MACROD2: variants seen among roughly 807,000 people sequenced by gnomAD.
The protein encoded by MACROD2 is ADP-ribose glycohydrolase MACROD2.
Under a neutral mutation model 70.4 loss-of-function variants are expected in MACROD2, and 36 were observed. The observed-to-expected ratio is 0.51, with a 90% CI of 0.39 to 0.68. The LOEUF (loss-of-function observed/expected upper bound fraction) is 0.68, where lower values mean the gene tolerates loss of function less well. MACROD2 is among the 30% of genes least tolerant of loss of function. The probability of loss-of-function intolerance (pLI) is 0.00; values close to 1 mark genes in which losing one functional copy is unlikely to be tolerated. For synonymous variants in MACROD2, 172 were observed against 178.8 expected, an observed-to-expected ratio of 0.96 and a Z score of 0.30; for missense variants, 496 against 538.4, an observed-to-expected ratio of 0.92 and a Z score of 0.78.
chr20:14,832,619 A>C (rs2072984055), intron 5 of MACROD2, among the ~76,000 whole-genome samples: 1 of 152,152 alleles, frequency 6.6e-6, no homozygotes, highest in African/African-American at 2.4e-5. Flanking sequence ...GTCAGGATGC[A>C]TCCCCAAGAG....
At position 14,057,775 on chromosome 20, in the gene MACROD2, C is replaced by T. The variant is rs140704552; in HGVS notation, c.164-27846C>T. ...GAAACCTGGAAACAAAAATGGCCAT[C>T]AGCAGTAAAATGGGTAAACAGATTA... On this transcript the variant is annotated intron_variant, in intron 2 of 17. Coordinates refer to ENST00000684519, the MANE Select transcript of MACROD2 (RefSeq NM_001351661.2). 4.4e-3 allele frequency among the ~76,000 whole-genome samples: 667 copies of T among 152,188 alleles called. 4 individuals carry two copies. The highest frequency in any genetic ancestry group is 0.015 in the African/African-American group (635 of 41,516).
chr20:14,625,750 T>C (rs1984109116), intron 4 of MACROD2, among the ~76,000 whole-genome samples: 1 of 152,200 alleles, frequency 6.6e-6, no homozygotes. Context: ...CCCCCAGGTA[T>C]GACTTTGCCT....
At chr20:15,965,865 G>T (rs2066133571) in intron 12 of MACROD2, among the ~76,000 whole-genome samples, 1 of 152,098 alleles carries the variant, frequency 6.6e-6, no homozygotes, top group Admixed American at 6.6e-5. Flanking sequence ...TAGACTTATT[G>T]TCAGCCTCAG....
At chr20:14,249,194 C>T (rs1490712731) in intron 3 of MACROD2, among the ~76,000 whole-genome samples, 2 of 129,084 alleles carry the variant, frequency 1.5e-5, no homozygotes, top group African/African-American at 3.1e-5. Flanking sequence ...CCTGTGTCAT[C>T]TAAAATACTA....
intron 5 of MACROD2, among the ~76,000 whole-genome samples, chr20:15,017,838 G>A (rs1193695123): frequency 6.6e-6 from 1 of 152,206 alleles, no homozygotes; most frequent in Non-Finnish European, 1.5e-5. Flanking sequence ...AGCTGGAGTA[G>A]CTGGGACACA....
At chr20:15,280,395 ACATCT>A (rs1343992464) in intron 6 of MACROD2, among the ~76,000 whole-genome samples, 1 of 152,180 alleles carries the variant, frequency 6.6e-6, no homozygotes, top group African/African-American at 2.4e-5. Context: ...CATTCTGCAG[ACATCT>A]CAGTTAAGCA....
At chr20:16,022,319 G>T (rs983959355) in intron 15 of MACROD2, among the ~76,000 whole-genome samples, 1 of 152,074 alleles carries the variant, frequency 6.6e-6, no homozygotes, top group Non-Finnish European at 1.5e-5. Flanking sequence ...CCAAAGTGCT[G>T]GGATTACAGG....
chr20:14,859,672 G>T (rs1200223044), intron 5 of MACROD2, among the ~76,000 whole-genome samples: 1 of 151,790 alleles, frequency 6.6e-6, no homozygotes, highest in Non-Finnish European at 1.5e-5. Context: ...TTTTTTTTCA[G>T]AGCCAACATT....
At chr20:15,451,206 G>A (rs1033316365) in intron 7 of MACROD2, among the ~76,000 whole-genome samples, 2 of 151,984 alleles carry the variant, frequency 1.3e-5, no homozygotes, top group African/African-American at 4.8e-5. Flanking sequence ...ATCTCAGTGG[G>A]AGTCAGAGGT....
In MACROD2 at chr20:14,200,762, A is replaced by T. The variant is rs77222594; in HGVS notation, c.271+115034A>T. Among the ~76,000 whole-genome samples the T allele has an allele frequency of 3.9e-4, 59 of 152,260 alleles. No homozygotes were observed. The East Asian group carries it at 0.011, about 28-fold the overall frequency. On this transcript the variant is annotated intron_variant, in intron 3 of 17. Transcript: ENST00000684519. The stretch of plus-strand genomic sequence containing the variant: ...ATTTTATGTTTTTAAATCTTTGCTA[A>T]TGTGACAGCTAAACATGGATTTCTT...
intron 5 of MACROD2, among the ~76,000 whole-genome samples, chr20:14,873,164 A>G (rs927518756): frequency 1.3e-5 from 2 of 152,164 alleles, no homozygotes; most frequent in South Asian, 2.1e-4. Context: ...TAATATATCA[A>G]ATGTGCTCAA....
At position 15,893,716 on chromosome 20, in the gene MACROD2, G is replaced by T. The variant is rs746586114; in HGVS notation, c.775+7905G>T. The T allele has an allele frequency of 1.1e-5, 5 of 456,672 alleles. No homozygotes were observed. The East Asian group carries it at 3.5e-4, about 32-fold the overall frequency. The allele number at this position is 456,672 out of a possible 1,614,324, so 28.3% of individuals were successfully genotyped here. ...ATAGAGCAGTACAAAATTTTAAAGG[G>T]AGCATATTTACGCTTTGTCTTTCTT... On this transcript the variant is annotated intron_variant, in intron 10 of 17. Transcript: ENST00000684519.
intron 6 of MACROD2, among the ~76,000 whole-genome samples, chr20:15,346,283 A>G (rs1326220296): frequency 2.6e-5 from 4 of 152,074 alleles, no homozygotes; most frequent in African/African-American, 9.7e-5. Context: ...TTGGGAGCAG[A>G]ATTCCTGTTC....
At chr20:15,594,183 ACAAATATGGTTG>A (rs2048715002) in intron 8 of MACROD2, among the ~76,000 whole-genome samples, 2 of 152,136 alleles carry the variant, frequency 1.3e-5, no homozygotes, top group South Asian at 4.2e-4. Context: ...TATAATTTAC[ACAAATATGGTTG>A]CACTAAATCT....
intron 5 of MACROD2, among the ~76,000 whole-genome samples, chr20:14,834,006 A>T (rs982343791): frequency 6.6e-6 from 1 of 152,092 alleles, no homozygotes; most frequent in African/African-American, 2.4e-5. Flanking sequence ...AAATTTTCTG[A>T]GAAAATCTTG....
rs944079880 is a variant in MACROD2, at chr20:14,536,190, G to C, written c.301+42682G>C. ...ATATGTGTATATATATATGCACAAC[G>C]TTGACTTCCAGTGATCTCCATTTAA... On this transcript the variant is annotated intron_variant, in intron 4 of 17. Transcript: ENST00000684519. 3.9e-5 allele frequency among the ~76,000 whole-genome samples: 6 copies of C among 152,100 alleles called. No homozygotes were observed. The South Asian group carries it at 8.3e-4, about 21-fold the overall frequency.
chr20:15,370,569 T>C (rs1411617902), intron 6 of MACROD2, among the ~76,000 whole-genome samples: 2 of 151,998 alleles, frequency 1.3e-5, no homozygotes, highest in African/African-American at 4.8e-5. Context: ...TGCAATGTCA[T>C]TAAAAATATA....
At chr20:14,018,474 A>G (rs963590242) in intron 2 of MACROD2, among the ~76,000 whole-genome samples, 2 of 152,134 alleles carry the variant, frequency 1.3e-5, no homozygotes, top group African/African-American at 2.4e-5. Flanking sequence ...CTCTATCTCA[A>G]TGAATTTTCT....
chr20:14,665,116 T>C (rs1568727711), intron 4 of MACROD2, among the ~76,000 whole-genome samples: 1 of 152,192 alleles, frequency 6.6e-6, no homozygotes. Context: ...GTGACTCTGA[T>C]GCCATTTTAT....
Sources: gnomAD v4.1 joint callset for allele counts (sites outside exome capture counted in the v4.1 genomes callset) on GRCh38, gnomAD v4.1.1 for gene constraint, MANE v1.5 for transcripts, NCBI Gene and HGNC (gene_info 2026-07-23, HGNC 2026-07-21) for gene names.